The following DNAH11 variants were observed in gnomAD, a reference collection of about 807,000 sequenced individuals.
DNAH11 encodes axonemal beta dynein heavy chain 11.
A neutral mutation model predicts 526.0 loss-of-function variants in DNAH11; 442 were observed. The ratio of observed to expected loss-of-function variants is 0.84; its 90% CI spans 0.78 to 0.91. The LOEUF is 0.91. DNAH11 is among the 40% of genes least tolerant of loss of function. The probability of loss-of-function intolerance (pLI) is 0.00; values close to 1 mark genes in which losing one functional copy is unlikely to be tolerated. For synonymous variants in DNAH11, 2,461 were observed against 1,935.9 expected (o/e 1.27, Z -7.12); for missense variants, 6,989 against 5,448.7 (o/e 1.28, Z -8.90).
intron 77 of DNAH11, among the ~76,000 whole-genome samples, 187 bp from the exon 78 acceptor site, chr7:21,894,436 G>C (rs188095719): frequency 7.9e-5 from 12 of 152,350 alleles, no homozygotes; most frequent in Non-Finnish European, 1.5e-4. Flanking sequence ...CAATGAGGCA[G>C]CTGAGGGAGT....
In DNAH11 at chr7:21,742,038, C is replaced by T. The variant is rs957859983; in HGVS notation, c.8026C>T (p.Leu2676Phe). 1 of 1,613,954 alleles carries T rather than the reference C, an allele frequency of 6.2e-7. No individual in the cohort carries two copies. Among genetic ancestry groups the T allele is most frequent in the Non-Finnish European group, 8.5e-7 (1 of 1,179,866 alleles). ...FQQQAFAPSILRSGPTLIQAT... is the reference protein window; with the variant it reads ...FQQQAFAPSIFRSGPTLIQAT... ...ACAGCAAGCATTTGCTCCATCAATT[C>T]TCAGGAGTGGCCCCACTTTGATCCA... Residue 2676 changes from leucine (L) to phenylalanine (F), a missense_variant, in exon 49 of 82, where the codon CTC becomes TTC. Leu to Phe is a conservative substitution (Grantham distance 22). Coordinates refer to ENST00000409508, the MANE Select transcript of DNAH11 (RefSeq NM_001277115.2).
At chr7:21,823,927 G>T (rs925518799) in intron 65 of DNAH11, among the ~76,000 whole-genome samples, 1 of 152,080 alleles carries the variant, frequency 6.6e-6, no homozygotes, top group Admixed American at 6.5e-5. Context: ...GATGACCTTG[G>T]GGTTCTCTTT....
intron 1 of DNAH11, among the ~76,000 whole-genome samples, chr7:21,544,431 T>C (rs569970689): frequency 6.6e-6 from 1 of 152,210 alleles, no homozygotes; most frequent in Non-Finnish European, 1.5e-5. Flanking sequence ...CTCTCCTAAT[T>C]GTAACTTTAA....
chr7:21,665,743 A>T (rs1782397839), intron 30 of DNAH11, among the ~76,000 whole-genome samples: 1 of 152,136 alleles, frequency 6.6e-6, no homozygotes, highest in Non-Finnish European at 1.5e-5. Flanking sequence ...ATTTATCCAC[A>T]TAATTATAAA....
intron 48 of DNAH11, among the ~76,000 whole-genome samples, chr7:21,740,097 G>C (rs1257965077): frequency 6.6e-6 from 1 of 152,128 alleles, no homozygotes; most frequent in Non-Finnish European, 1.5e-5. Context: ...GCTGTTAACA[G>C]TATCATATAG....
rs1295059010 is a variant in DNAH11 at position 21,543,572 on chromosome 7, G to A, written c.327G>A (p.Ser109=). ...GCCTTGTGTTTAGCTTCGCCGCCTCGGGGCGCCTTGCGGCTTCCCAGGAGG... is the reference window on the plus strand; with the variant it reads ...GCCTTGTGTTTAGCTTCGCCGCCTCAGGGCGCCTTGCGGCTTCCCAGGAGG... ...PACLVFSFAA[S]GRLAASQEIP... The change falls in exon 1 of 82, where the codon TCG becomes TCA. Residue 109 remains serine (S), a synonymous_variant. Coordinates refer to ENST00000409508, the MANE Select transcript of DNAH11 (RefSeq NM_001277115.2). The A allele has an allele frequency of 1.9e-6, 3 of 1,600,316 alleles. No individual in the cohort carries two copies. Among genetic ancestry groups the A allele is most frequent in the Non-Finnish European group, 2.6e-6 (3 of 1,173,272 alleles).
chr7:21,609,976 C>T (rs1465383596), intron 20 of DNAH11, among the ~76,000 whole-genome samples: 6 of 152,114 alleles, frequency 3.9e-5, no homozygotes, highest in South Asian at 2.1e-4. Context: ...GAAAAGGGGC[C>T]GGGCGCGGTG....
At chr7:21,880,349 A>G (rs1783871943) in intron 74 of DNAH11, among the ~76,000 whole-genome samples, 1 of 152,188 alleles carries the variant, frequency 6.6e-6, no homozygotes, top group Admixed American at 6.5e-5. Context: ...TACTACAGTG[A>G]TGAAATGAAG....
chr7:21,797,175 T>C (rs1788756353), intron 61 of DNAH11, among the ~76,000 whole-genome samples: 1 of 152,076 alleles, frequency 6.6e-6, no homozygotes, highest in Admixed American at 6.5e-5. Context: ...ATCTTACTTA[T>C]TTTAGAGTAA....
At chr7:21,675,499 C>T (rs534419658) in intron 30 of DNAH11, among the ~76,000 whole-genome samples, 19 of 152,360 alleles carry the variant, frequency 1.2e-4, no homozygotes, top group African/African-American at 4.6e-4. Context: ...TGTGTGCTGT[C>T]AGCATACTTT....
intron 35 of DNAH11, among the ~76,000 whole-genome samples, chr7:21,695,192 C>G (rs2128476242): frequency 6.6e-6 from 1 of 152,320 alleles, no homozygotes. Flanking sequence ...AGATTCAATG[C>G]TATTCCCATC....
intron 65 of DNAH11, among the ~76,000 whole-genome samples, chr7:21,828,219 G>T (rs553711920): frequency 6.6e-6 from 1 of 152,146 alleles, no homozygotes; most frequent in African/African-American, 2.4e-5. Flanking sequence ...AAAGTGCTGG[G>T]ATTGCAGGCA....
intron 75 of DNAH11, among the ~76,000 whole-genome samples, chr7:21,884,019 G>A (rs763882842): frequency 2.4e-4 from 37 of 151,962 alleles, no homozygotes; most frequent in Admixed American, 3.3e-4. Context: ...CTCCAGCTTA[G>A]GCAACAAAGC....
At chr7:21,658,700 G>A (rs1216357052) in intron 29 of DNAH11, 98 bp from the exon 30 acceptor site, 10 of 944,828 alleles carry the variant, frequency 1.1e-5, no homozygotes, top group Non-Finnish European at 1.4e-5. Context: ...GAATCCACCT[G>A]GGGCATTACC....
intron 2 of DNAH11, among the ~76,000 whole-genome samples, chr7:21,555,459 C>G (rs1210476413): frequency 6.6e-6 from 1 of 152,204 alleles, no homozygotes; most frequent in Non-Finnish European, 1.5e-5. Context: ...CAAGCTTTTC[C>G]CTGTGTACTC....
At chr7:21,884,456 A>G (rs544193488) in intron 76 of DNAH11, 46 bp downstream of exon 76, 2 of 1,556,412 alleles carry the variant, frequency 1.3e-6, no homozygotes, top group Non-Finnish European at 1.7e-6. Context: ...CACTGAGCAA[A>G]AAATTCTGGT....
intron 30 of DNAH11, among the ~76,000 whole-genome samples, chr7:21,677,929 G>C (rs1417695787): frequency 6.6e-6 from 1 of 152,068 alleles, no homozygotes; most frequent in Non-Finnish European, 1.5e-5. Flanking sequence ...CCTATTTGTT[G>C]CCGTTGAGTT....
rs115125767 is a variant in DNAH11 at position 21,712,139 on chromosome 7, T to C, written c.6983+279T>C. Among the ~76,000 whole-genome samples the C allele has an allele frequency of 2.4e-3, 373 of 152,316 alleles. 4 individuals are homozygous for C. The highest frequency in any genetic ancestry group is 8.7e-3 in the African/African-American group (361 of 41,566). The stretch of plus-strand genomic sequence containing the variant: ...TATAAATGGAATCATACAGTGTTTG[T>C]CTTTTAGTGACAGGTTTATTTCACT... On this transcript the variant is annotated intron_variant, in intron 42 of 81. Coordinates refer to ENST00000409508, the MANE Select transcript of DNAH11 (RefSeq NM_001277115.2).
intron 44 of DNAH11, 110 bp downstream of exon 44, chr7:21,720,966 C>G: frequency 2.3e-6 from 3 of 1,331,192 alleles, no homozygotes; most frequent in Non-Finnish European, 3.0e-6. Context: ...TAGATCTATA[C>G]TGCTTGCCCT....
Sources: gnomAD v4.1 joint callset for allele counts (sites outside exome capture counted in the v4.1 genomes callset) on GRCh38, gnomAD v4.1.1 for gene constraint, MANE v1.5 for transcripts, NCBI Gene and HGNC (gene_info 2026-07-23, HGNC 2026-07-21) for gene names.